NRP2: variants seen among roughly 807,000 people sequenced by gnomAD.
NRP2 encodes the protein neuropilin 2.
NRP2 carries 52 observed loss-of-function variants against 110.4 expected under a neutral mutation model. That is an observed-to-expected ratio of 0.47 (90% CI 0.38 to 0.59). NRP2 has a LOEUF of 0.59. Among genes scored for constraint, NRP2 ranks in the 20% least tolerant of loss-of-function variants. NRP2 has a pLI of 0.00. For synonymous variants in NRP2, 508 were observed against 468.9 expected (o/e 1.08, Z -1.08); for missense variants, 1,049 against 1,203.0 (o/e 0.87, Z 1.89).
At chr2:205,752,096 G>A (rs774123178) in intron 11 of NRP2, among the ~76,000 whole-genome samples, 1 of 152,190 alleles carries the variant, frequency 6.6e-6, no homozygotes, top group Non-Finnish European at 1.5e-5. Context: ...TTCCCATAGG[G>A]AAAGCATTCT....
Position 205,765,570 on chromosome 2 carries a change from G to A in NRP2, c.2404G>A (p.Glu802Lys), listed in dbSNP as rs1173446222. The A allele has an allele frequency of 1.2e-6, 2 of 1,610,330 alleles. No homozygotes were observed. The highest frequency in any genetic ancestry group is 1.7e-6 in the Non-Finnish European group (2 of 1,176,648). The change falls in exon 14 of 17, where the codon GAA becomes AAA. Residue 802 changes from glutamate (E) to lysine (K), a missense_variant and splice_region_variant. Glu to Lys is a moderately conservative substitution (Grantham distance 56). Transcript: ENST00000357785. ...STDVPLENCM[E>K]PISAFAVDIP... ...TGATGTCCCACTGGAGAACTGCATGGGTATGTGAATATCTGTCTCTTCATG... is the reference window on the plus strand; with the variant it reads ...TGATGTCCCACTGGAGAACTGCATGAGTATGTGAATATCTGTCTCTTCATG...
chr2:205,775,443 C>T (rs2058083108), intron 15 of NRP2, among the ~76,000 whole-genome samples: 1 of 152,112 alleles, frequency 6.6e-6, no homozygotes, highest in African/African-American at 2.4e-5. Flanking sequence ...GAATGATTTC[C>T]CTCCCTCTCT....
chr2:205,739,881 A>C, intron 7 of NRP2: 1 of 169,866 alleles, frequency 5.9e-6, no homozygotes, highest in Non-Finnish European at 1.3e-5. Flanking sequence ...GGGCAGGACT[A>C]CAGTGAGAGG....
At chr2:205,750,126 C>T (rs1199846969) in intron 11 of NRP2, among the ~76,000 whole-genome samples, 1 of 152,206 alleles carries the variant, frequency 6.6e-6, no homozygotes, top group Non-Finnish European at 1.5e-5. Context: ...TTTGAGGAGT[C>T]TCATTTGTTG....
intron 13 of NRP2, chr2:205,764,617 A>G (rs2192885): frequency 0.96 from 147,916 of 153,998 alleles, 71,145 homozygotes; most frequent in East Asian, 1. Context: ...TGGCTGGTGC[A>G]GCAGCCAACT....
At chr2:205,782,093 G>C (rs2058181025) in intron 15 of NRP2, among the ~76,000 whole-genome samples, 1 of 152,152 alleles carries the variant, frequency 6.6e-6, no homozygotes. Context: ...GTATGGAACA[G>C]TGGAGAATCT....
intron 10 of NRP2, 154 bp from the exon 11 acceptor site, chr2:205,749,570 CT>C: frequency 1.5e-6 from 1 of 651,990 alleles, no homozygotes; most frequent in South Asian, 1.7e-5. Flanking sequence ...GGTGATGCCC[CT>C]GACTTCGTTG....
At chr2:205,783,328 AGTCCT>A (rs763065834) in intron 15 of NRP2, among the ~76,000 whole-genome samples, 26 of 152,330 alleles carry the variant, frequency 1.7e-4, no homozygotes, top group South Asian at 4.1e-4. Flanking sequence ...CATCAGGCAG[AGTCCT>A]GTTCTCCATG....
chr2:205,779,295 C>A (rs2058145798), intron 15 of NRP2: 1 of 152,208 alleles, frequency 6.6e-6, no homozygotes, highest in Non-Finnish European at 1.5e-5. Context: ...CAATTGCCAT[C>A]ACTTAGTTCC....
chr2:205,722,691 G>T lies in NRP2; in HGVS notation c.647G>T (p.Trp216Leu). The T allele has an allele frequency of 6.2e-7, 1 of 1,614,046 alleles. No individual in the cohort carries two copies. The highest frequency in any genetic ancestry group is 8.5e-7 in the Non-Finnish European group (1 of 1,179,930). Residue 216 changes from tryptophan to leucine, a missense_variant, in exon 4 of 17, where the codon TGG becomes TTG. Coordinates refer to ENST00000357785, the MANE Select transcript of NRP2 (RefSeq NM_003872.3). Reference protein sequence around the residue: ...GDCKYDWLDIWDGIPHVGPLI... With the variant: ...GDCKYDWLDILDGIPHVGPLI... ...TGCAAGTACGATTGGCTGGACATCT[G>T]GGATGGCATTCCACATGGTGAGTGA...
chr2:205,744,549 C>T (rs577205632), intron 9 of NRP2, among the ~76,000 whole-genome samples: 2 of 152,298 alleles, frequency 1.3e-5, no homozygotes, highest in South Asian at 2.1e-4. Flanking sequence ...ACACAAGGAG[C>T]CCCAGAAGGG....
rs577923177 is a variant in NRP2 at position 205,687,323 on chromosome 2, T to C, written c.73+3960T>C. On this transcript the variant is annotated intron_variant, in intron 1 of 16. Coordinates refer to ENST00000357785, the MANE Select transcript of NRP2 (RefSeq NM_003872.3). Reference sequence around the variant, plus strand: ...GTCTCCCCAAAATGTGAGATGGCCATTGGCGAGCATAATAATTTGCAAGTA... The same window carrying C: ...GTCTCCCCAAAATGTGAGATGGCCACTGGCGAGCATAATAATTTGCAAGTA... 5.3e-5 allele frequency among the ~76,000 whole-genome samples: 8 copies of C among 152,328 alleles called. No individual in the cohort carries two copies. In the South Asian group the frequency reaches 1.0e-3, roughly 20 times the overall value.
At chr2:205,770,723 G>A (rs533986410) in intron 15 of NRP2, among the ~76,000 whole-genome samples, 24 of 152,332 alleles carry the variant, frequency 1.6e-4, no homozygotes, top group African/African-American at 5.3e-4. Flanking sequence ...CCCCTGCCGG[G>A]GTTCCAGATA....
intron 2 of NRP2, among the ~76,000 whole-genome samples, chr2:205,708,285 A>C (rs920340173): frequency 6.6e-6 from 1 of 152,186 alleles, no homozygotes; most frequent in Non-Finnish European, 1.5e-5. Context: ...CTAGAAAACC[A>C]TTCCTTACAT....
At chr2:205,737,476 C>T (rs745754017) in intron 7 of NRP2, among the ~76,000 whole-genome samples, 6 of 152,164 alleles carry the variant, frequency 3.9e-5, no homozygotes, top group Non-Finnish European at 8.8e-5. Context: ...GCTAATTAGC[C>T]GCAGAGCACA....
At chr2:205,698,019 A>G in intron 2 of NRP2, 2 of 436,656 alleles carry the variant, frequency 4.6e-6, no homozygotes, top group Admixed American at 3.5e-5. Flanking sequence ...CTGGACTACA[A>G]AACTCTACTC....
In NRP2 at chr2:205,756,444, G is replaced by T. The variant is rs528033798; in HGVS notation, c.2044+3469G>T. ...AGACAAAAACTCATAGGGCGGGCAGGTATCTAAAGCTGCAGCATTGAATAT... is the reference window on the plus strand; with the variant it reads ...AGACAAAAACTCATAGGGCGGGCAGTTATCTAAAGCTGCAGCATTGAATAT... On this transcript the variant is annotated intron_variant, in intron 12 of 16. Coordinates refer to ENST00000357785, the MANE Select transcript of NRP2 (RefSeq NM_003872.3). 3.9e-5 allele frequency: 6 copies of T among 152,274 alleles called. No homozygotes were observed. The East Asian group carries it at 1.2e-3, about 29-fold the overall frequency. The allele number at this position is 152,274 out of a possible 1,614,324, so 9.4% of individuals were successfully genotyped here. A position where few individuals can be genotyped will look rare whatever the true frequency, so the allele number is the denominator to read the frequency against.
intron 1 of NRP2, among the ~76,000 whole-genome samples, chr2:205,692,582 A>G (rs1265614777): frequency 6.6e-6 from 1 of 152,186 alleles, no homozygotes; most frequent in Non-Finnish European, 1.5e-5. Context: ...TGTATCCATA[A>G]TATTTATAAA....
At chr2:205,715,617 C>A (rs1157148837) in intron 2 of NRP2, among the ~76,000 whole-genome samples, 1 of 152,026 alleles carries the variant, frequency 6.6e-6, no homozygotes, top group Non-Finnish European at 1.5e-5. Flanking sequence ...GAAGGGATGG[C>A]CCAGGGGAAA....
Sources: gnomAD v4.1 joint callset for allele counts (sites outside exome capture counted in the v4.1 genomes callset) on GRCh38, gnomAD v4.1.1 for gene constraint, MANE v1.5 for transcripts, NCBI Gene and HGNC (gene_info 2026-07-23, HGNC 2026-07-21) for gene names.